Variants in KAT6B observed in about 807,000 individuals in gnomAD.
KAT6B encodes the protein histone acetyltransferase KAT6B.
In KAT6B, 10 loss-of-function variants were observed where a neutral mutation model predicts 187.5. The observed-to-expected ratio is 0.05, with a 90% CI of 0.03 to 0.09. KAT6B has a LOEUF of 0.09. Among genes scored for constraint, KAT6B ranks in the 10% least tolerant of loss-of-function variants. The probability of loss-of-function intolerance (pLI) is 1.00; values close to 1 mark genes in which losing one functional copy is unlikely to be tolerated. For missense variants in KAT6B, 1,952 were observed against 2,558.9 expected, an observed-to-expected ratio of 0.76 and a Z score of 5.12; for synonymous variants, 861 against 926.8, an observed-to-expected ratio of 0.93 and a Z score of 1.29.
At chr10:74,932,556 A>G (rs1407506300) in intron 3 of KAT6B, among the ~76,000 whole-genome samples, 1 of 152,214 alleles carries the variant, frequency 6.6e-6, no homozygotes, top group Non-Finnish European at 1.5e-5. Context: ...CTTAAACTAA[A>G]TGGAAAACTA....
At chr10:74,898,867 C>G (rs1846170835) in intron 3 of KAT6B, among the ~76,000 whole-genome samples, 1 of 151,826 alleles carries the variant, frequency 6.6e-6, no homozygotes, top group Admixed American at 6.6e-5. Flanking sequence ...TTAGAATCAA[C>G]CGGCTGGGCA....
At chr10:74,880,574 G>A (rs1204927659) in intron 3 of KAT6B, among the ~76,000 whole-genome samples, 1 of 152,056 alleles carries the variant, frequency 6.6e-6, no homozygotes, top group African/African-American at 2.4e-5. Flanking sequence ...ACTTCTCTTG[G>A]CTGTATACCT....
rs1846149703 is a variant in KAT6B, at chr10:75,029,530, G to A, written c.4706G>A (p.Cys1569Tyr). ...FQDCAETQEACRSLQNYTRAD... is the reference protein window; with the variant it reads ...FQDCAETQEAYRSLQNYTRAD... Reference sequence around the variant, plus strand: ...GATTGTGCCGAGACTCAAGAGGCCTGTAGAAGCCTACAGAACTACACCCGT... The same window carrying A: ...GATTGTGCCGAGACTCAAGAGGCCTATAGAAGCCTACAGAACTACACCCGT... The change falls in exon 18 of 18, where the codon TGT becomes TAT. Residue 1569 changes from cysteine (C) to tyrosine (Y), a missense_variant. Around this residue, in one of 9 missense-constraint regions of KAT6B, gnomAD observed 758 missense variants for 891.4 expected, o/e 0.85. Transcript: ENST00000287239. This position sits in a 1 kb window ranked among gnomAD's most constrained non-coding sequence, Gnocchi z 6.2. 6.2e-7 allele frequency: 1 copy of A among 1,614,156 alleles called. No homozygotes were observed. The highest frequency in any genetic ancestry group is 8.5e-7 in the Non-Finnish European group (1 of 1,180,032).
At chr10:74,904,598 G>C (rs1846626806) in intron 3 of KAT6B, among the ~76,000 whole-genome samples, 1 of 152,070 alleles carries the variant, frequency 6.6e-6, no homozygotes, top group South Asian at 2.1e-4. Context: ...TCCCACACTT[G>C]CTTTCCCCTC....
intron 3 of KAT6B, among the ~76,000 whole-genome samples, chr10:74,913,390 T>C (rs1372191845): frequency 6.6e-6 from 1 of 152,176 alleles, no homozygotes; most frequent in Non-Finnish European, 1.5e-5. Flanking sequence ...CAAAAATAAG[T>C]AAGAATAGAA....
intron 3 of KAT6B, among the ~76,000 whole-genome samples, chr10:74,902,006 G>T (rs528303475): frequency 1.2e-4 from 18 of 152,034 alleles, no homozygotes; most frequent in Non-Finnish European, 2.5e-4. Flanking sequence ...TTGTCCTCCT[G>T]TCCACCCATC....
intron 3 of KAT6B, among the ~76,000 whole-genome samples, chr10:74,905,661 C>T (rs951911510): frequency 3.3e-5 from 5 of 152,166 alleles, no homozygotes; most frequent in African/African-American, 9.7e-5. Context: ...GCATTTAATA[C>T]GTTGTTGGGC....
chr10:74,870,634 C>T (rs1843858108), intron 3 of KAT6B, among the ~76,000 whole-genome samples: 1 of 152,096 alleles, frequency 6.6e-6, no homozygotes, highest in Non-Finnish European at 1.5e-5. Context: ...GGCTGGAGTG[C>T]AATGGTGGAT....
intron 13 of KAT6B, among the ~76,000 whole-genome samples, chr10:74,994,387 A>G (rs555746415): frequency 6.6e-6 from 1 of 152,300 alleles, no homozygotes; most frequent in African/African-American, 2.4e-5. Context: ...TTTCTGCCAC[A>G]GCATGATGTT....
At chr10:74,938,457 G>C (rs947211726) in intron 3 of KAT6B, among the ~76,000 whole-genome samples, 5 of 152,120 alleles carry the variant, frequency 3.3e-5, no homozygotes. Flanking sequence ...TAATTGGAAA[G>C]AAGAGAAGAT....
chr10:74,892,261 G>C (rs545952695), intron 3 of KAT6B, among the ~76,000 whole-genome samples: 17 of 152,284 alleles, frequency 1.1e-4, no homozygotes, highest in African/African-American at 4.1e-4. Flanking sequence ...CCAGCTACTT[G>C]GGAGGCTGTG....
chr10:75,012,576 G>T (rs1043853041), intron 13 of KAT6B, among the ~76,000 whole-genome samples: 1 of 152,212 alleles, frequency 6.6e-6, no homozygotes, highest in Non-Finnish European at 1.5e-5. Context: ...GGCACCTCCG[G>T]CTCAGGAGCA....
At chr10:74,969,850 A>C (rs1380874575) in intron 5 of KAT6B, 75 bp downstream of exon 5, 1 of 1,145,598 alleles carries the variant, frequency 8.7e-7, no homozygotes, top group South Asian at 1.3e-5. Flanking sequence ...ATTTTTATAG[A>C]GTATGGCTAC....
chr10:74,948,595 TCA>T, intron 3 of KAT6B, among the ~76,000 whole-genome samples: 1 of 152,362 alleles, frequency 6.6e-6, no homozygotes, highest in East Asian at 1.9e-4. Flanking sequence ...TACATTCAGT[TCA>T]CAGTGTGCCT....
At position 75,029,234 on chromosome 10, in the gene KAT6B, C is replaced by G; in HGVS notation, c.4410C>G (p.Asn1470Lys). ...TTAATGTGCAGCCTGGTCACTCGAACCCAGAGGTCTTAATGGACTGTGGCG... is the reference window on the plus strand; with the variant it reads ...TTAATGTGCAGCCTGGTCACTCGAAGCCAGAGGTCTTAATGGACTGTGGCG... ...LDLNVQPGHS[N>K]PEVLMDCGVD... Residue 1470 changes from asparagine to lysine, a missense_variant, in exon 18 of 18, where the codon AAC becomes AAG. By Grantham distance (94) the Asn-to-Lys change is moderately conservative (BLOSUM62 0). This residue lies in a region of KAT6B where 758 missense variants were observed against 891.4 expected (regional missense o/e 0.85). Coordinates refer to ENST00000287239, the MANE Select transcript of KAT6B (RefSeq NM_012330.4). The surrounding 1 kb of genome is among the most constrained non-coding windows in gnomAD (Gnocchi z 6.2). 6.2e-7 allele frequency: 1 copy of G among 1,614,104 alleles called. No homozygotes were observed. The highest frequency in any genetic ancestry group is 8.5e-7 in the Non-Finnish European group (1 of 1,180,018).
At chr10:74,997,391 T>G (rs1220107598) in intron 13 of KAT6B, among the ~76,000 whole-genome samples, 7 of 151,948 alleles carry the variant, frequency 4.6e-5, no homozygotes, top group Non-Finnish European at 7.4e-5. Context: ...TTCCTAAGAG[T>G]CCTGCATTTA....
At chr10:74,955,489 A>G (rs190703046) in intron 3 of KAT6B, among the ~76,000 whole-genome samples, 19 of 150,524 alleles carry the variant, frequency 1.3e-4, no homozygotes, top group African/African-American at 4.1e-4. Flanking sequence ...GAACACCTAT[A>G]TGCCTTTTAC....
chr10:74,873,505 AG>A (rs1199656779), intron 3 of KAT6B, among the ~76,000 whole-genome samples: 1 of 152,108 alleles, frequency 6.6e-6, no homozygotes, highest in Non-Finnish European at 1.5e-5. Context: ...AAGGTCACCG[AG>A]GCTGCTGTGT....
intron 17 of KAT6B, chr10:75,026,172 T>G: frequency 6.9e-6 from 1 of 143,996 alleles, no homozygotes; most frequent in East Asian, 2.1e-4. Flanking sequence ...AAAGGAACCA[T>G]CTAAACTTAC....
Sources: allele counts gnomAD v4.1 joint callset (sites outside exome capture counted in the v4.1 genomes callset), GRCh38; gene constraint gnomAD v4.1.1; regional missense constraint gnomAD v4.1.1; non-coding constraint Gnocchi (gnomAD v3.1); transcripts MANE v1.5; gene names NCBI Gene and HGNC (gene_info 2026-07-23, HGNC 2026-07-21).